Variants in CSMD1 observed in about 807,000 individuals in gnomAD.
The protein encoded by CSMD1 is CUB and Sushi multiple domains 1.
A neutral mutation model predicts 417.5 loss-of-function variants in CSMD1; 213 were observed. The observed-to-expected ratio is 0.51, with a 90% CI of 0.46 to 0.57. CSMD1 has a LOEUF of 0.57. CSMD1 is among the 20% of genes least tolerant of loss of function. The probability of loss-of-function intolerance (pLI) is 0.00; values close to 1 mark genes in which losing one functional copy is unlikely to be tolerated. For missense variants in CSMD1, 6,923 were observed against 4,529.7 expected (o/e 1.53, Z -15.17); for synonymous variants, 2,862 against 1,736.8 (o/e 1.65, Z -16.11).
intron 8 of CSMD1, among the ~76,000 whole-genome samples, chr8:3,598,976 G>T (rs189854188): frequency 6.6e-6 from 1 of 152,250 alleles, no homozygotes; most frequent in Admixed American, 6.5e-5. Context: ...AGCTACTCAG[G>T]AGGCTGAGAG....
chr8:4,357,839 G>C (rs946807962), intron 3 of CSMD1, among the ~76,000 whole-genome samples: 1 of 152,088 alleles, frequency 6.6e-6, no homozygotes, highest in Non-Finnish European at 1.5e-5. Context: ...TTAAAAGTGT[G>C]AGTAATATCA....
intron 1 of CSMD1, among the ~76,000 whole-genome samples, chr8:4,732,451 C>G (rs1809963641): frequency 6.6e-6 from 1 of 151,412 alleles, no homozygotes; most frequent in Non-Finnish European, 1.5e-5. Context: ...CTCACAAGTG[C>G]TTAAGAACAA....
At chr8:3,778,142 G>C (rs920343088) in intron 5 of CSMD1, among the ~76,000 whole-genome samples, 12 of 152,372 alleles carry the variant, frequency 7.9e-5, no homozygotes, top group African/African-American at 2.9e-4. Flanking sequence ...TTTGGAGTCA[G>C]TGGAAAAATG....
At chr8:4,610,707 GT>G (rs1211200531) in intron 2 of CSMD1, among the ~76,000 whole-genome samples, 1 of 152,144 alleles carries the variant, frequency 6.6e-6, no homozygotes, top group African/African-American at 2.4e-5. Flanking sequence ...AGGTTTTATG[GT>G]TGTAACAGCT....
chr8:3,807,241 T>C (rs1191246780), intron 5 of CSMD1, among the ~76,000 whole-genome samples: 2 of 152,190 alleles, frequency 1.3e-5, no homozygotes, highest in South Asian at 2.1e-4. Flanking sequence ...TTTAATGCCA[T>C]AGTAATTTCC....
chr8:3,490,207 C>A (rs1316449144), intron 11 of CSMD1, among the ~76,000 whole-genome samples: 1 of 152,114 alleles, frequency 6.6e-6, no homozygotes, highest in Middle Eastern at 3.2e-3. Context: ...CCCAGCTGAT[C>A]CCGGCTGCAT....
intron 3 of CSMD1, among the ~76,000 whole-genome samples, chr8:4,331,600 G>T (rs1430805604): frequency 6.6e-6 from 1 of 152,134 alleles, no homozygotes; most frequent in African/African-American, 2.4e-5. Flanking sequence ...AACATTTATA[G>T]TGGCAACTGT....
chr8:4,411,292 T>C (rs1796638355), intron 3 of CSMD1, among the ~76,000 whole-genome samples: 1 of 152,190 alleles, frequency 6.6e-6, no homozygotes, highest in Non-Finnish European at 1.5e-5. Flanking sequence ...ACTTGCCCTT[T>C]ACTATATTCC....
intron 8 of CSMD1, among the ~76,000 whole-genome samples, chr8:3,614,442 T>C (rs781130367): frequency 3.3e-5 from 5 of 152,224 alleles, no homozygotes; most frequent in Non-Finnish European, 4.4e-5. Context: ...GAGAATGAAA[T>C]GGAGTAAAGA....
intron 42 of CSMD1, chr8:3,113,245 C>T (rs1192964373): frequency 6.6e-6 from 1 of 152,296 alleles, no homozygotes; most frequent in Non-Finnish European, 1.5e-5. Context: ...CAAGCCGGAC[C>T]AGGAAGACAG....
intron 52 of CSMD1, among the ~76,000 whole-genome samples, chr8:3,004,055 C>A (rs185608073): frequency 3.6e-4 from 54 of 152,060 alleles, no homozygotes; most frequent in Admixed American, 1.5e-3. Context: ...TGCACAGTAG[C>A]AAAGGAGGAT....
intron 1 of CSMD1, among the ~76,000 whole-genome samples, chr8:4,801,055 AG>A (rs1798257381): frequency 1.3e-5 from 2 of 152,222 alleles, no homozygotes; most frequent in Non-Finnish European, 2.9e-5. Flanking sequence ...AAAAAGTAAA[AG>A]GGAAAAAAAC....
chr8:3,465,968 G>A (rs935185315), intron 12 of CSMD1, among the ~76,000 whole-genome samples: 2 of 152,002 alleles, frequency 1.3e-5, no homozygotes, highest in Non-Finnish European at 2.9e-5. Flanking sequence ...TGGAGAGAAG[G>A]GGTGCTTACA....
chr8:3,500,181 T>C (rs1796539206), intron 10 of CSMD1, among the ~76,000 whole-genome samples: 1 of 152,152 alleles, frequency 6.6e-6, no homozygotes, highest in South Asian at 2.1e-4. Context: ...TAGAGGGTCT[T>C]CTTTACTCTG....
At chr8:3,800,493 T>A (rs559929070) in intron 5 of CSMD1, among the ~76,000 whole-genome samples, 20 of 152,244 alleles carry the variant, frequency 1.3e-4, no homozygotes, top group African/African-American at 4.6e-4. Flanking sequence ...TGCATTTGGA[T>A]CCCTACCTCA....
chr8:4,376,401 T>A (rs1256037846), intron 3 of CSMD1, among the ~76,000 whole-genome samples: 1 of 152,190 alleles, frequency 6.6e-6, no homozygotes, highest in African/African-American at 2.4e-5. Context: ...CGTGCTGTGA[T>A]TCTCTTGTGC....
chr8:3,091,387 C>T, intron 48 of CSMD1, 129 bp downstream of exon 48: 1 of 608,084 alleles, frequency 1.6e-6, no homozygotes, highest in East Asian at 3.3e-5. Flanking sequence ...TCATATATTT[C>T]TACTGTAGTT....
Position 4,778,477 on chromosome 8 carries a change from T to A in CSMD1, c.86-140919A>T, listed in dbSNP as rs73661125. Among the ~76,000 whole-genome samples the A allele has an allele frequency of 5.8e-3, 886 of 152,330 alleles. 2 individuals carry two copies. Among genetic ancestry groups the A allele is most frequent in the African/African-American group, 0.02 (844 of 41,580 alleles). ...ATTGTAATGTATTTTCTGCATGAGA[T>A]AATGCACAAAAAGCACTTTGCACTG... On this transcript the variant is annotated intron_variant, in intron 1 of 69. Coordinates refer to ENST00000635120, the MANE Select transcript of CSMD1 (RefSeq NM_033225.6).
intron 7 of CSMD1, among the ~76,000 whole-genome samples, chr8:3,707,824 C>T (rs1801259039): frequency 6.6e-6 from 1 of 152,162 alleles, no homozygotes; most frequent in African/African-American, 2.4e-5. Flanking sequence ...TGACGATGGG[C>T]ATTTAGGAGA....
Sources: allele counts gnomAD v4.1 joint callset (sites outside exome capture counted in the v4.1 genomes callset), GRCh38; gene constraint gnomAD v4.1.1; transcripts MANE v1.5; gene names NCBI Gene and HGNC (gene_info 2026-07-23, HGNC 2026-07-21).